PDE6B: variants seen among roughly 807,000 people sequenced by gnomAD.
PDE6B encodes the protein rod cGMP-specific 3',5'-cyclic phosphodiesterase subunit beta.
PDE6B carries 106 observed loss-of-function variants against 109.0 expected under a neutral mutation model. The ratio of observed to expected loss-of-function variants is 0.97; its 90% CI spans 0.83 to 1.14. The LOEUF (loss-of-function observed/expected upper bound fraction) is 1.14. PDE6B is among the 50% of genes most tolerant of loss of function. The pLI is 0.00. For missense variants in PDE6B, 1,193 were observed against 1,155.6 expected, an observed-to-expected ratio of 1.03 and a Z score of -0.47; for synonymous variants, 490 against 471.3, an observed-to-expected ratio of 1.04 and a Z score of -0.51.
In PDE6B at chr4:663,673, TGA is replaced by T; in HGVS notation, c.1921-93_1921-92del. Reference sequence around the variant, plus strand: ...CACCGAGGGCCCGAGGGCGGGGGCGTGAGAGGCACAGGCAGCCGAGGCGGAAG... The same window carrying T: ...CACCGAGGGCCCGAGGGCGGGGGCGTGAGGCACAGGCAGCCGAGGCGGAAG... On this transcript the variant is annotated intron_variant, in intron 15 of 21. Coordinates refer to ENST00000496514, the MANE Select transcript of PDE6B (RefSeq NM_000283.4). This position sits in a 1 kb window ranked among gnomAD's most constrained non-coding sequence, Gnocchi z 4.0. 1.2e-6 allele frequency: 1 copy of T among 864,326 alleles called. No homozygotes were observed. The highest frequency in any genetic ancestry group is 1.4e-5 in the South Asian group (1 of 72,528). The allele number at this position is 864,326 out of a possible 1,614,324, so 53.5% of individuals were successfully genotyped here. A position where few individuals can be genotyped will look rare whatever the true frequency, so the allele number is the denominator to read the frequency against.
chr4:662,218 C>T lies in PDE6B; in HGVS notation c.1699C>T (p.Gln567Ter), dbSNP rs772057239. 1.8e-5 allele frequency: 28 copies of T among 1,568,538 alleles called. No homozygotes were observed. The highest frequency in any genetic ancestry group is 2.3e-5 in the East Asian group (1 of 42,720). Residue 567 changes from glutamine (Q) to a stop codon, truncating the protein, a stop_gained, in exon 13 of 22, where the codon CAG becomes TAG. Transcript: ENST00000496514. LOFTEE classifies it high-confidence loss of function. This position sits in a 1 kb window ranked among gnomAD's most constrained non-coding sequence, Gnocchi z 4.3. ...CTGGCGCCACGGCTTCAACGTGGCC[C>T]AGACGATGTTCACGCTGCTCATGGT... Reference protein sequence around the residue: ...HNWRHGFNVAQTMFTLLMTGK... With the variant: ...HNWRHGFNVA
chr4:654,039 T>C, intron 4 of PDE6B, 41 bp from the exon 5 acceptor site: 1 of 1,613,458 alleles, frequency 6.2e-7, no homozygotes, highest in South Asian at 1.1e-5. Flanking sequence ...CCGACCCAGG[T>C]CCCGCAGTGA....
intron 3 of PDE6B, among the ~76,000 whole-genome samples, chr4:639,353 G>A (rs560656811): frequency 6.6e-6 from 1 of 152,158 alleles, no homozygotes; most frequent in Non-Finnish European, 1.5e-5. Context: ...TGTTGCCCAG[G>A]ATGGCAGAAG....
At chr4:641,219 T>A (rs898846976) in intron 3 of PDE6B, among the ~76,000 whole-genome samples, 1 of 152,268 alleles carries the variant, frequency 6.6e-6, no homozygotes, top group Non-Finnish European at 1.5e-5. Context: ...TTATCAGAAT[T>A]TTGCAGTTTC....
At chr4:656,327 C>T (rs776198568) in intron 8 of PDE6B, 35 bp downstream of exon 8, 39 of 1,331,388 alleles carry the variant, frequency 2.9e-5, no homozygotes, top group Non-Finnish European at 4.2e-5. Flanking sequence ...ATTATACTTA[C>T]TTACAAAAGA....
chr4:655,030 C>T, intron 6 of PDE6B, 142 bp downstream of exon 6: 2 of 703,556 alleles, frequency 2.8e-6, no homozygotes, highest in Non-Finnish European at 5.2e-6. Flanking sequence ...CTGTGGTGCT[C>T]TGTGTGCCGT....
chr4:629,193 G>A (rs1327573381), intron 1 of PDE6B, among the ~76,000 whole-genome samples: 13 of 152,222 alleles, frequency 8.5e-5, no homozygotes, highest in Admixed American at 7.8e-4. Context: ...AGAGGGAGGA[G>A]CGAGTGGGCC....
At position 655,903 on chromosome 4, in the gene PDE6B, C is replaced by T. The variant is rs199533451; in HGVS notation, c.993-37C>T. 109 of 1,323,090 alleles carry T rather than the reference C, an allele frequency of 8.2e-5. No homozygotes were observed. In the East Asian group the frequency reaches 1.9e-3, roughly 23 times the overall value. 82.0% of individuals were successfully genotyped at this position (1,323,090 alleles called of 1,614,324 possible). A position where few individuals can be genotyped will look rare whatever the true frequency, so the allele number is the denominator to read the frequency against. Reference sequence around the variant, plus strand: ...GACTCCTGCACGCGCACATCCAGCCCGGCGTGGCCTATCTGACCCCTGCTC... The same window carrying T: ...GACTCCTGCACGCGCACATCCAGCCTGGCGTGGCCTATCTGACCCCTGCTC... On this transcript the variant is annotated intron_variant, in intron 6 of 21. Transcript: ENST00000496514.
At position 670,079 on chromosome 4, in the gene PDE6B, C is replaced by A. The variant is rs540571001; in HGVS notation, c.2537C>A (p.Pro846His). ...GAAATTTGCAATGGCGGCCCAGCAC[C>A]CAAGTCTTCAACCTGCTGTATCCTG... ...GTEICNGGPA[P>H]KSSTCCIL is the part of the protein sequence containing the mutation. The change falls in exon 22 of 22, where the codon CCC (proline) becomes CAC (histidine). Residue 846 changes from proline (P) to histidine (H), a missense_variant. Pro to His is a moderately conservative substitution (Grantham distance 77). Coordinates refer to ENST00000496514, the MANE Select transcript of PDE6B (RefSeq NM_000283.4). 12 of 1,613,188 alleles carry A rather than the reference C, an allele frequency of 7.4e-6. No homozygotes were observed. In the South Asian group the frequency reaches 1.3e-4, roughly 18 times the overall value.
At position 648,895 on chromosome 4, in the gene PDE6B, G is replaced by A. The variant is rs1248559229; in HGVS notation, c.712-4957G>A. ...GGTGCCCCGACTCAGGTCAGGCATGGGAGGAGCGGGGGAGCCTTCTGTCTC... is the reference window on the plus strand; with the variant it reads ...GGTGCCCCGACTCAGGTCAGGCATGAGAGGAGCGGGGGAGCCTTCTGTCTC... On this transcript the variant is annotated intron_variant, in intron 3 of 21. Transcript: ENST00000496514. The surrounding 1 kb of genome is among the most constrained non-coding windows in gnomAD (Gnocchi z 4.5). Among the ~76,000 whole-genome samples the A allele has an allele frequency of 2.6e-5, 4 of 152,260 alleles. No individual in the cohort carries two copies. The highest frequency in any genetic ancestry group is 5.9e-5 in the Non-Finnish European group (4 of 68,044).
chr4:662,163 C>A lies in PDE6B; in HGVS notation c.1644C>A (p.Ser548Arg), dbSNP rs1268389019. 6.3e-7 allele frequency: 1 copy of A among 1,575,436 alleles called. No individual in the cohort carries two copies. The highest frequency in any genetic ancestry group is 1.8e-5 in the Admixed American group (1 of 54,256). The change falls in exon 13 of 22, where the codon AGC (serine) becomes AGA (arginine). Residue 548 changes from serine (S) to arginine (R), a missense_variant. By Grantham distance (110) the Ser-to-Arg change is moderately radical. Transcript: ENST00000496514. The surrounding 1 kb of genome is among the most constrained non-coding windows in gnomAD (Gnocchi z 4.3). ...EVLVRFLFSISKGYRRITYHN... is the reference protein window; with the variant it reads ...EVLVRFLFSIRKGYRRITYHN... ...TGGTGCGGTTCCTGTTCTCCATCAGCAAAGGGTACCGGAGAATCACCTACC... is the reference window on the plus strand; with the variant it reads ...TGGTGCGGTTCCTGTTCTCCATCAGAAAAGGGTACCGGAGAATCACCTACC...
At chr4:669,223 TA>T (rs1738174871) in intron 21 of PDE6B, among the ~76,000 whole-genome samples, 1 of 98,266 alleles carries the variant, frequency 1.0e-5, no homozygotes, top group African/African-American at 4.2e-5. Context: ...TACCCCATGC[TA>T]TTCCCCTACC....
rs774115889 is a variant in PDE6B at position 663,921 on chromosome 4, G to T, written c.2021+51G>T. The stretch of plus-strand genomic sequence containing the variant: ...CTCGCGGGGCGGGCGGGTAGCCTGG[G>T]ACCCCCGGCAGACACGGGGGCGCAG... On this transcript the variant is annotated intron_variant, in intron 16 of 21. Transcript: ENST00000496514. The surrounding 1 kb of genome is among the most constrained non-coding windows in gnomAD (Gnocchi z 4.0). 3.6e-6 allele frequency: 5 copies of T among 1,397,200 alleles called. No homozygotes were observed. Among genetic ancestry groups the T allele is most frequent in the Non-Finnish European group, 5.0e-6 (5 of 1,005,068 alleles). 86.6% of individuals were successfully genotyped at this position (1,397,200 alleles called of 1,614,324 possible).
chr4:665,006 C>A lies in PDE6B; in HGVS notation c.2193+62C>A. On this transcript the variant is annotated intron_variant, in intron 18 of 21. Coordinates refer to ENST00000496514, the MANE Select transcript of PDE6B (RefSeq NM_000283.4). The surrounding 1 kb of genome is among the most constrained non-coding windows in gnomAD (Gnocchi z 4.0). ...CCTCTCAGCACATGGGACTGCCGGG[C>A]GGGCGGGAGCCTCGGATGGCAACGG... is the stretch of plus-strand genomic sequence containing the variant. 2.2e-6 allele frequency: 3 copies of A among 1,343,246 alleles called. No individual in the cohort carries two copies. Among genetic ancestry groups the A allele is most frequent in the Non-Finnish European group, 3.2e-6 (3 of 934,660 alleles). 83.2% of individuals were successfully genotyped at this position (1,343,246 alleles called of 1,614,324 possible). A position where few individuals can be genotyped will look rare whatever the true frequency, so the allele number is the denominator to read the frequency against.
At chr4:657,234 G>T in intron 9 of PDE6B, 117 bp from the exon 10 acceptor site, 1 of 1,283,028 alleles carries the variant, frequency 7.8e-7, no homozygotes, top group Non-Finnish European at 1.1e-6. Context: ...GAAGCACTGC[G>T]ACACCATGGT....
rs1035168308 is a variant in PDE6B at position 670,190 on chromosome 4, G to C, written c.*83G>C. 1 of 1,602,476 alleles carries C rather than the reference G, an allele frequency of 6.2e-7. No individual in the cohort carries two copies. The highest frequency in any genetic ancestry group is 8.5e-7 in the Non-Finnish European group (1 of 1,172,510). The stretch of plus-strand genomic sequence containing the variant: ...TTCTGCCTGTGGCTATTTGCTACAA[G>C]AGGTTAGGAAGCCCAAGAAAATGAC... On this transcript the variant is annotated 3_prime_UTR_variant, in exon 22 of 22. Transcript: ENST00000496514.
intron 5 of PDE6B, chr4:654,480 T>C: frequency 3.6e-6 from 2 of 563,206 alleles, no homozygotes; most frequent in East Asian, 3.1e-5. Flanking sequence ...TGTGTGTGTG[T>C]GAGAGTACGG....
chr4:641,637 G>GT (rs112411231), intron 3 of PDE6B, among the ~76,000 whole-genome samples: 3,594 of 152,166 alleles, frequency 0.024, 143 homozygotes, highest in African/African-American at 0.083. Context: ...AGAGACACAC[G>GT]TTTTTTGTTT....
Position 656,301 on chromosome 4 carries a change from C to T in PDE6B, c.1107+9C>T. 1 of 1,501,286 alleles carries T rather than the reference C, an allele frequency of 6.7e-7. No individual in the cohort carries two copies. The highest frequency in any genetic ancestry group is 9.3e-7 in the Non-Finnish European group (1 of 1,077,162). The allele number at this position is 1,501,286 out of a possible 1,614,324, so 93.0% of individuals were successfully genotyped here. On this transcript the variant is annotated intron_variant, in intron 8 of 21. Transcript: ENST00000496514. ...AAATGTTCAAATTTCAGGTATCTGT[C>T]TGTGCCTTGGTAGAAATTATACTTA... is the stretch of plus-strand genomic sequence containing the variant.
Sources: gnomAD v4.1 joint callset for allele counts (sites outside exome capture counted in the v4.1 genomes callset) on GRCh38, gnomAD v4.1.1 for gene constraint, Gnocchi (gnomAD v3.1) non-coding constraint, MANE v1.5 for transcripts, NCBI Gene and HGNC (gene_info 2026-07-23, HGNC 2026-07-21) for gene names.